Variants in SH3GLB1 observed in about 807,000 individuals in gnomAD.
SH3GLB1 encodes the protein endophilin-B1.
Under a neutral mutation model 42.0 loss-of-function variants are expected in SH3GLB1, and 17 were observed. That is an observed-to-expected ratio of 0.40 (90% CI 0.28 to 0.61). SH3GLB1 has a LOEUF of 0.61. SH3GLB1 is among the 20% of genes least tolerant of loss of function. The pLI, the probability that SH3GLB1 is intolerant of heterozygous loss-of-function variation, is 0.36. For synonymous variants in SH3GLB1, 132 were observed against 146.6 expected, an observed-to-expected ratio of 0.90 and a Z score of 0.72; for missense variants, 355 against 426.3, an observed-to-expected ratio of 0.83 and a Z score of 1.47.
chr1:86,719,366 TA>T, intron 2 of SH3GLB1, 140 bp from the exon 3 acceptor site: 1 of 444,116 alleles, frequency 2.3e-6, no homozygotes. Flanking sequence ...ACATAAAATT[TA>T]AAAAATTATT....
chr1:86,726,045 G>A (rs1365843611), intron 5 of SH3GLB1, among the ~76,000 whole-genome samples: 5 of 151,984 alleles, frequency 3.3e-5, no homozygotes, highest in Non-Finnish European at 7.4e-5. Flanking sequence ...TCTTTTATTA[G>A]TTTCTAGTTG....
intron 7 of SH3GLB1, among the ~76,000 whole-genome samples, chr1:86,737,177 T>C (rs1313921392): frequency 6.6e-6 from 1 of 152,206 alleles, no homozygotes; most frequent in Admixed American, 6.5e-5. Flanking sequence ...GCAATTTTTT[T>C]AATAATTGGA....
chr1:86,718,353 A>G (rs1654674092), intron 2 of SH3GLB1, among the ~76,000 whole-genome samples: 1 of 152,158 alleles, frequency 6.6e-6, no homozygotes, highest in African/African-American at 2.4e-5. Context: ...GCCAAAATGA[A>G]GTTCTGAAAT....
In SH3GLB1 at chr1:86,721,981, CTG is replaced by C. The variant is rs1041726374; in HGVS notation, c.344-557_344-556del. Among the ~76,000 whole-genome samples the C allele has an allele frequency of 2.1e-5, 3 of 143,854 alleles. No homozygotes were observed. The Admixed American group carries it at 2.1e-4, about 10-fold the overall frequency. The allele number at this position is 143,854 out of a possible 152,430, so 94.4% of individuals were successfully genotyped here. A position where few individuals can be genotyped will look rare whatever the true frequency, so the allele number is the denominator to read the frequency against. Reference sequence around the variant, plus strand: ...GGAAATAATGACAAGGGAGAAAAGTCTGTACATGTTCAGTACAGAGGCAACCA... The same window carrying C: ...GGAAATAATGACAAGGGAGAAAAGTCTACATGTTCAGTACAGAGGCAACCA... On this transcript the variant is annotated intron_variant, in intron 3 of 8. Coordinates refer to ENST00000370558, the MANE Select transcript of SH3GLB1 (RefSeq NM_016009.5).
At chr1:86,717,138 A>G (rs1266036467) in intron 2 of SH3GLB1, among the ~76,000 whole-genome samples, 3 of 152,214 alleles carry the variant, frequency 2.0e-5, no homozygotes, top group Non-Finnish European at 4.4e-5. Flanking sequence ...AGTTGGAAAT[A>G]AAATAAGCTT....
At position 86,743,318 on chromosome 1, in the gene SH3GLB1, C is replaced by T. The variant is rs1656154195; in HGVS notation, c.*83C>T. 3.4e-6 allele frequency: 3 copies of T among 882,840 alleles called. No homozygotes were observed. The highest frequency in any genetic ancestry group is 5.5e-5 in the East Asian group (2 of 36,242). The allele number at this position is 882,840 out of a possible 1,614,324, so 54.7% of individuals were successfully genotyped here. A position where few individuals can be genotyped will look rare whatever the true frequency, so the allele number is the denominator to read the frequency against. Reference sequence around the variant, plus strand: ...CTAAATAAAGCAGGTTAAGTATCTTCCATGTTAATGTGTTAAGAGACTGAA... The same window carrying T: ...CTAAATAAAGCAGGTTAAGTATCTTTCATGTTAATGTGTTAAGAGACTGAA... On this transcript the variant is annotated 3_prime_UTR_variant, in exon 9 of 9. Transcript: ENST00000370558.
At chr1:86,728,289 A>G (rs1655308463) in intron 5 of SH3GLB1, 1 of 468,116 alleles carries the variant, frequency 2.1e-6, no homozygotes, top group Non-Finnish European at 3.7e-6. Context: ...TAATAGAAAA[A>G]AATATTTGAT....
At chr1:86,734,802 G>T (rs1226778800) in intron 6 of SH3GLB1, 111 bp downstream of exon 6, 2 of 736,124 alleles carry the variant, frequency 2.7e-6, no homozygotes, top group Non-Finnish European at 4.6e-6. Context: ...AATTTAAATT[G>T]TTCTACTTTC....
Position 86,747,669 on chromosome 1 carries a change from A to G in SH3GLB1, c.*4434A>G, listed in dbSNP as rs1656365930. ...TTAGTCTAAAGTAAGCACTACCACC[A>G]TCCACGTTTTCACTCAACACAGTGC... On this transcript the variant is annotated 3_prime_UTR_variant, in exon 9 of 9. Coordinates refer to ENST00000370558, the MANE Select transcript of SH3GLB1 (RefSeq NM_016009.5). 3 of 152,226 alleles carry G rather than the reference A, an allele frequency of 2.0e-5. No individual in the cohort carries two copies. The allele number at this position is 152,226 out of a possible 1,614,324, so 9.4% of individuals were successfully genotyped here.
intron 1 of SH3GLB1, among the ~76,000 whole-genome samples, chr1:86,707,189 T>C (rs1194248858): frequency 6.6e-6 from 1 of 152,232 alleles, no homozygotes; most frequent in African/African-American, 2.4e-5. Context: ...TATTAGTATT[T>C]TCTAACATTA....
chr1:86,733,734 C>G lies in SH3GLB1; in HGVS notation c.571-868C>G, dbSNP rs530949147. ...GAACTGTTTTGTCGCAGCAGTAAGCCTCCTTTATCAGATGGTTGAAACCAG... is the reference window on the plus strand; with the variant it reads ...GAACTGTTTTGTCGCAGCAGTAAGCGTCCTTTATCAGATGGTTGAAACCAG... On this transcript the variant is annotated intron_variant, in intron 5 of 8. Coordinates refer to ENST00000370558, the MANE Select transcript of SH3GLB1 (RefSeq NM_016009.5). Among the ~76,000 whole-genome samples the G allele has an allele frequency of 3.9e-5, 6 of 152,266 alleles. No individual in the cohort carries two copies. The South Asian group carries it at 8.3e-4, about 21-fold the overall frequency.
At chr1:86,742,121 G>T (rs1287369640) in intron 7 of SH3GLB1, 87 bp from the exon 8 acceptor site, 1 of 875,466 alleles carries the variant, frequency 1.1e-6, no homozygotes, top group South Asian at 1.5e-5. Context: ...GTGAAGGTTG[G>T]TAGAAAGTAA....
At chr1:86,714,679 G>A (rs906015598) in intron 1 of SH3GLB1, among the ~76,000 whole-genome samples, 1 of 152,170 alleles carries the variant, frequency 6.6e-6, no homozygotes, top group Non-Finnish European at 1.5e-5. Context: ...TTTGAGAAAC[G>A]AAAGGAGAGA....
chr1:86,729,070 A>G (rs1005733377), intron 5 of SH3GLB1, among the ~76,000 whole-genome samples: 2 of 152,190 alleles, frequency 1.3e-5, no homozygotes, highest in Admixed American at 1.3e-4. Context: ...TATGGTATCC[A>G]ATGTATATGT....
chr1:86,708,119 A>G (rs576544639), intron 1 of SH3GLB1, among the ~76,000 whole-genome samples: 62 of 152,166 alleles, frequency 4.1e-4, no homozygotes, highest in Non-Finnish European at 7.4e-4. Flanking sequence ...AATTTGTAAG[A>G]AAAAAAGGAT....
At chr1:86,722,725 C>G (rs1179381684) in intron 4 of SH3GLB1, 52 bp downstream of exon 4, 2 of 1,442,316 alleles carry the variant, frequency 1.4e-6, no homozygotes, top group Non-Finnish European at 1.9e-6. Flanking sequence ...GATATATATA[C>G]TTTTTAATGA....
At chr1:86,709,050 C>G (rs534780906) in intron 1 of SH3GLB1, among the ~76,000 whole-genome samples, 2 of 152,130 alleles carry the variant, frequency 1.3e-5, no homozygotes, top group Non-Finnish European at 2.9e-5. Context: ...TCAAATCCAT[C>G]TCAGCTGATA....
intron 1 of SH3GLB1, among the ~76,000 whole-genome samples, chr1:86,714,599 A>G (rs1250980824): frequency 6.6e-6 from 1 of 152,228 alleles, no homozygotes; most frequent in Non-Finnish European, 1.5e-5. Flanking sequence ...ATAACCTGAA[A>G]GTATTAAACC....
intron 1 of SH3GLB1, among the ~76,000 whole-genome samples, chr1:86,705,392 C>T (rs1047576884): frequency 6.6e-6 from 1 of 152,150 alleles, no homozygotes; most frequent in Non-Finnish European, 1.5e-5. Flanking sequence ...ACCCTCCCCT[C>T]GGAGTCCAAG....
Sources: gnomAD v4.1 joint callset for allele counts (sites outside exome capture counted in the v4.1 genomes callset) on GRCh38, gnomAD v4.1.1 for gene constraint, MANE v1.5 for transcripts, NCBI Gene and HGNC (gene_info 2026-07-23, HGNC 2026-07-21) for gene names.